The following ANAPC10 variants were observed in gnomAD, a reference collection of about 807,000 sequenced individuals.
ANAPC10 encodes the protein anaphase promoting complex subunit 10, also known as anaphase-promoting complex subunit 10.
Under a neutral mutation model 22.0 loss-of-function variants are expected in ANAPC10, and 12 were observed. The ratio of observed to expected loss-of-function variants is 0.55; its 90% CI spans 0.35 to 0.88. ANAPC10 has a LOEUF of 0.88. Ranked by LOEUF, ANAPC10 falls within the 40% of genes least tolerant of loss-of-function variation. The pLI, the probability that ANAPC10 is intolerant of heterozygous loss-of-function variation, is 0.01. For missense variants in ANAPC10, 188 were observed against 220.9 expected (o/e 0.85, Z 0.94); for synonymous variants, 65 against 69.5 (o/e 0.94, Z 0.32).
intron 2 of ANAPC10, among the ~76,000 whole-genome samples, chr4:145,082,725 T>C (rs564535810): frequency 2.4e-4 from 37 of 152,352 alleles, no homozygotes; most frequent in South Asian, 2.1e-3. Context: ...AATGAAGTTG[T>C]ACAATCCTGT....
At chr4:145,044,945 T>A (rs929750817) in intron 4 of ANAPC10, among the ~76,000 whole-genome samples, 2 of 152,078 alleles carry the variant, frequency 1.3e-5, no homozygotes, top group East Asian at 3.8e-4. Context: ...TAATTTTCAT[T>A]TTATAGAAGT....
chr4:145,042,789 C>A (rs1245890783), intron 4 of ANAPC10, among the ~76,000 whole-genome samples: 1 of 151,872 alleles, frequency 6.6e-6, no homozygotes, highest in Non-Finnish European at 1.5e-5. Context: ...ATACTGCAGA[C>A]AACCCAGCAG....
intron 3 of ANAPC10, among the ~76,000 whole-genome samples, chr4:145,080,113 CAAA>C (rs70956824): frequency 2.6e-4 from 7 of 26,790 alleles, no homozygotes; most frequent in Non-Finnish European, 4.4e-4. Flanking sequence ...GACTCTGTCT[CAAA>C]AAAAAAAAAA....
chr4:145,047,131 G>GA (rs777129042), intron 4 of ANAPC10, among the ~76,000 whole-genome samples: 17 of 152,136 alleles, frequency 1.1e-4, no homozygotes, highest in South Asian at 6.2e-4. Flanking sequence ...CAGAGGCTCA[G>GA]AAAAAACAGA....
intron 4 of ANAPC10, among the ~76,000 whole-genome samples, chr4:145,021,050 T>C (rs1304951349): frequency 1.3e-5 from 2 of 152,000 alleles, no homozygotes; most frequent in East Asian, 3.9e-4. Context: ...TGGAAACACA[T>C]CCCATGTTCA....
At chr4:145,058,205 C>T (rs891630836) in intron 4 of ANAPC10, among the ~76,000 whole-genome samples, 4 of 152,168 alleles carry the variant, frequency 2.6e-5, no homozygotes, top group African/African-American at 7.2e-5. Flanking sequence ...CTCCCTCAGA[C>T]CTATCCAGCT....
chr4:144,996,100 G>A (rs186627078), intron 4 of ANAPC10, among the ~76,000 whole-genome samples: 1 of 152,298 alleles, frequency 6.6e-6, no homozygotes, highest in African/African-American at 2.4e-5. Flanking sequence ...CAGGGTTCGA[G>A]GTAGCTTGCC....
intron 4 of ANAPC10, among the ~76,000 whole-genome samples, chr4:145,030,763 CT>C (rs1413622393): frequency 1.3e-5 from 2 of 152,194 alleles, no homozygotes; most frequent in African/African-American, 4.8e-5. Context: ...ATAGAGCTAC[CT>C]TTACTTAGAA....
chr4:145,002,026 A>C (rs558027791), intron 4 of ANAPC10, among the ~76,000 whole-genome samples: 1 of 152,130 alleles, frequency 6.6e-6, no homozygotes, highest in Non-Finnish European at 1.5e-5. Flanking sequence ...AGGAAAAACT[A>C]CTTGATAGTT....
At chr4:145,031,892 A>G (rs751309537) in intron 4 of ANAPC10, among the ~76,000 whole-genome samples, 9 of 152,300 alleles carry the variant, frequency 5.9e-5, no homozygotes, top group Non-Finnish European at 1.2e-4. Flanking sequence ...TGAACTGACT[A>G]TCATGAACTG....
At position 145,047,602 on chromosome 4, in the gene ANAPC10, A is replaced by C. The variant is rs151272509; in HGVS notation, c.327+16970T>G. Among the ~76,000 whole-genome samples, 685 of 152,238 alleles carry C rather than the reference A, an allele frequency of 4.5e-3. 9 individuals carry two copies. Among genetic ancestry groups the C allele is most frequent in the African/African-American group, 0.015 (624 of 41,560 alleles). On this transcript the variant is annotated intron_variant, in intron 4 of 4. Transcript: ENST00000507656. ...TCAAAATAAGTTTCTCAAAGTCAGG[A>C]ACACTTCTCAATGCCTTTCATTAAA...
intron 3 of ANAPC10, among the ~76,000 whole-genome samples, chr4:145,070,982 G>A (rs1648662268): frequency 6.6e-6 from 1 of 152,190 alleles, no homozygotes; most frequent in Non-Finnish European, 1.5e-5. Context: ...ATTATCATGG[G>A]CTGGAGAGAA....
intron 4 of ANAPC10, among the ~76,000 whole-genome samples, chr4:145,059,417 TC>T (rs1186463531): frequency 6.6e-6 from 1 of 152,072 alleles, no homozygotes; most frequent in Non-Finnish European, 1.5e-5. Context: ...ATTTCAAGCC[TC>T]CTTTTAAAAA....
At chr4:145,061,828 C>T (rs1011881512) in intron 4 of ANAPC10, among the ~76,000 whole-genome samples, 1 of 152,032 alleles carries the variant, frequency 6.6e-6, no homozygotes, top group Admixed American at 6.6e-5. Flanking sequence ...AAATAAGAGG[C>T]CAGGCGCGGT....
At chr4:145,043,596 T>C (rs1021372764) in intron 4 of ANAPC10, among the ~76,000 whole-genome samples, 11 of 152,170 alleles carry the variant, frequency 7.2e-5, no homozygotes, top group Admixed American at 6.6e-4. Flanking sequence ...TCTTTCTTAC[T>C]TTAGGTGAAA....
chr4:145,029,603 G>C (rs1297481213), intron 4 of ANAPC10, among the ~76,000 whole-genome samples: 1 of 152,146 alleles, frequency 6.6e-6, no homozygotes, highest in Non-Finnish European at 1.5e-5. Flanking sequence ...CCAGTAAGTA[G>C]GGACTCTGCT....
chr4:144,996,269 T>C (rs1452460518), intron 4 of ANAPC10, among the ~76,000 whole-genome samples: 1 of 152,142 alleles, frequency 6.6e-6, no homozygotes, highest in Non-Finnish European at 1.5e-5. Context: ...GGGCCTGACA[T>C]AATAAGCTGT....
intron 2 of ANAPC10, among the ~76,000 whole-genome samples, chr4:145,087,288 G>A (rs1747038094): frequency 6.6e-6 from 1 of 152,108 alleles, no homozygotes; most frequent in South Asian, 2.1e-4. Flanking sequence ...CTGCCTTTAT[G>A]AATAAAACAG....
rs1736875799 is a variant in ANAPC10, at chr4:145,027,091, C to T, written c.328-31488G>A. ...TGATCTTGGCTCACTGCAACCTCTG[C>T]CACCTGGGTTCAAGCAATTCTCATG... On this transcript the variant is annotated intron_variant, in intron 4 of 4. Coordinates refer to ENST00000507656, the MANE Select transcript of ANAPC10 (RefSeq NM_001256706.2). Among the ~76,000 whole-genome samples, 4 of 137,730 alleles carry T rather than the reference C, an allele frequency of 2.9e-5. No homozygotes were observed. The South Asian group carries it at 9.5e-4, about 33-fold the overall frequency. 90.4% of individuals were successfully genotyped at this position (137,730 alleles called of 152,430 possible). A position where few individuals can be genotyped will look rare whatever the true frequency, so the allele number is the denominator to read the frequency against.
Sources: allele counts gnomAD v4.1 joint callset (sites outside exome capture counted in the v4.1 genomes callset), GRCh38; gene constraint gnomAD v4.1.1; transcripts MANE v1.5; gene names NCBI Gene and HGNC (gene_info 2026-07-23, HGNC 2026-07-21).